FAM184B: variants seen among roughly 807,000 people sequenced by gnomAD.
FAM184B encodes the protein protein FAM184B.
In FAM184B, 111 loss-of-function variants were observed where a neutral mutation model predicts 135.9. The ratio of observed to expected loss-of-function variants is 0.82; its 90% CI spans 0.70 to 0.96. FAM184B has a LOEUF of 0.96. Ranked by LOEUF, FAM184B falls within the 40% of genes least tolerant of loss-of-function variation. The pLI, the probability that FAM184B is intolerant of heterozygous loss-of-function variation, is 0.00. For synonymous variants in FAM184B, 552 were observed against 524.8 expected, an observed-to-expected ratio of 1.05 and a Z score of -0.71; for missense variants, 1,375 against 1,323.9, an observed-to-expected ratio of 1.04 and a Z score of -0.60.
At chr4:17,715,286 C>T (rs1189988898) in intron 1 of FAM184B, among the ~76,000 whole-genome samples, 1 of 151,848 alleles carries the variant, frequency 6.6e-6, no homozygotes, top group Non-Finnish European at 1.5e-5. Context: ...ACCAGCCTGG[C>T]CAACATGGTG....
chr4:17,691,918 T>G (rs1716745058), intron 6 of FAM184B, among the ~76,000 whole-genome samples: 1 of 151,644 alleles, frequency 6.6e-6, no homozygotes, highest in African/African-American at 2.4e-5. Context: ...CCAGGCGTGG[T>G]GGCAGGCACC....
intron 7 of FAM184B, among the ~76,000 whole-genome samples, chr4:17,680,089 T>A (rs1327335225): frequency 2.0e-5 from 3 of 152,138 alleles, no homozygotes; most frequent in Non-Finnish European, 2.9e-5. Context: ...ACTGCACAGG[T>A]GATGGGTGCA....
At chr4:17,760,969 T>G (rs1458271094) in intron 1 of FAM184B, among the ~76,000 whole-genome samples, 1 of 152,204 alleles carries the variant, frequency 6.6e-6, no homozygotes, top group African/African-American at 2.4e-5. Context: ...TCCCAACAGT[T>G]GATTTGCACA....
Position 17,777,367 on chromosome 4 carries a change from G to A in FAM184B, c.141+3792C>T, listed in dbSNP as rs74361919. 3.3e-5 allele frequency among the ~76,000 whole-genome samples: 5 copies of A among 152,266 alleles called. No homozygotes were observed. In the East Asian group the frequency reaches 7.7e-4, roughly 24 times the overall value. On this transcript the variant is annotated intron_variant, in intron 1 of 17. Transcript: ENST00000265018. Reference sequence around the variant, plus strand: ...GGCCACAAGGGAAGATTTCTTTGGGGTGATGAAAATGTCCCTAAAACTGGA... The same window carrying A: ...GGCCACAAGGGAAGATTTCTTTGGGATGATGAAAATGTCCCTAAAACTGGA...
intron 1 of FAM184B, among the ~76,000 whole-genome samples, chr4:17,729,478 C>G (rs1425158097): frequency 6.6e-6 from 1 of 152,230 alleles, no homozygotes; most frequent in African/African-American, 2.4e-5. Context: ...CCCCGAGCAG[C>G]CTAACTGGGA....
At chr4:17,706,690 TG>T (rs1484743482) in intron 3 of FAM184B, among the ~76,000 whole-genome samples, 1 of 152,218 alleles carries the variant, frequency 6.6e-6, no homozygotes, top group Non-Finnish European at 1.5e-5. Flanking sequence ...CTTTTTGGGC[TG>T]GGCGTGGTGG....
In FAM184B at chr4:17,715,527, G is replaced by C. The variant is rs553592749; in HGVS notation, c.142-5883C>G. Among the ~76,000 whole-genome samples the C allele has an allele frequency of 2.6e-5, 4 of 151,916 alleles. No homozygotes were observed. The South Asian group carries it at 8.3e-4, about 32-fold the overall frequency. The stretch of plus-strand genomic sequence containing the variant: ...AAAAATGAAATTAATGGGGTCAAAA[G>C]ACACAAAATTTCAATTAAAGGAATA... On this transcript the variant is annotated intron_variant, in intron 1 of 17. Transcript: ENST00000265018.
intron 1 of FAM184B, among the ~76,000 whole-genome samples, chr4:17,748,612 G>A (rs561422005): frequency 6.7e-6 from 1 of 150,072 alleles, no homozygotes; most frequent in South Asian, 2.1e-4. Flanking sequence ...GACCTCTGGG[G>A]CTCAAGTGAT....
intron 1 of FAM184B, among the ~76,000 whole-genome samples, chr4:17,733,813 A>G (rs1376768060): frequency 6.6e-6 from 1 of 152,234 alleles, no homozygotes; most frequent in African/African-American, 2.4e-5. Flanking sequence ...TTCTTCACAG[A>G]ATTGGAGAAA....
Position 17,647,719 on chromosome 4 carries a change from T to C in FAM184B, c.2264A>G (p.Gln755Arg), listed in dbSNP as rs770249260. The C allele has an allele frequency of 8.4e-6, 13 of 1,550,978 alleles. No homozygotes were observed. Among genetic ancestry groups the C allele is most frequent in the Non-Finnish European group, 1.1e-5 (13 of 1,147,002 alleles). ...TCTGCCCAGAGCCCTCAGCTCGGCC[T>C]GCAGTGCCTCCAAGTCCTTCTGGTG... ...SGHQKDLEAL[Q>R]AELRALGRQQ... Residue 755 changes from glutamine (Q) to arginine (R), a missense_variant, in exon 12 of 18, where the codon CAG becomes CGG. By Grantham distance (43) the Gln-to-Arg change is conservative. Transcript: ENST00000265018.
intron 1 of FAM184B, among the ~76,000 whole-genome samples, chr4:17,745,823 C>A (rs1340093916): frequency 6.6e-6 from 1 of 152,164 alleles, no homozygotes; most frequent in East Asian, 1.9e-4. Context: ...GCTCAAAGGT[C>A]CTACCTGCTT....
intron 1 of FAM184B, among the ~76,000 whole-genome samples, chr4:17,766,746 C>G (rs569981080): frequency 2.6e-5 from 4 of 152,262 alleles, no homozygotes; most frequent in African/African-American, 9.6e-5. Context: ...GCTGGTTTCA[C>G]CTAGAGGATC....
At chr4:17,739,555 G>GTTTTTGTTTTTTTTTTTTTTTT (rs1553841421) in intron 1 of FAM184B, among the ~76,000 whole-genome samples, 4 of 62,510 alleles carry the variant, frequency 6.4e-5, no homozygotes, top group African/African-American at 1.8e-4. Flanking sequence ...CATACCAACT[G>GTTTTTGTTTTTTTTTTTTTTTT]TTTTTTTTTT....
At chr4:17,754,241 A>G (rs1304468534) in intron 1 of FAM184B, among the ~76,000 whole-genome samples, 1 of 152,070 alleles carries the variant, frequency 6.6e-6, no homozygotes, top group Admixed American at 6.6e-5. Flanking sequence ...GCACACATTT[A>G]GGAAAAAACT....
intron 13 of FAM184B, among the ~76,000 whole-genome samples, 185 bp downstream of exon 13, chr4:17,641,871 T>G (rs1035999403): frequency 6.6e-6 from 1 of 151,996 alleles, no homozygotes; most frequent in Non-Finnish European, 1.5e-5. Flanking sequence ...CTGGGACTTT[T>G]CATGGGTCAG....
intron 1 of FAM184B, among the ~76,000 whole-genome samples, chr4:17,766,819 C>T (rs1009565960): frequency 6.6e-6 from 1 of 152,234 alleles, no homozygotes; most frequent in South Asian, 2.1e-4. Context: ...CACTCCTCAG[C>T]CCCTGGGCGG....
chr4:17,739,553 C>CTCTTTTTTTTTTT (rs1560190028), intron 1 of FAM184B, among the ~76,000 whole-genome samples: 1 of 8,682 alleles, frequency 1.2e-4, no homozygotes, highest in Non-Finnish European at 3.3e-4. Context: ...GTCATACCAA[C>CTCTTTTTTTTTTT]TGTTTTTTTT....
At chr4:17,701,142 T>C (rs6855046) in intron 5 of FAM184B, among the ~76,000 whole-genome samples, 144,817 of 152,228 alleles carry the variant, frequency 0.95, 69,330 homozygotes, top group East Asian at 1. Context: ...CCCTACCAGA[T>C]TGTTTGTTCC....
chr4:17,731,404 T>C (rs1407475199), intron 1 of FAM184B, among the ~76,000 whole-genome samples: 1 of 152,078 alleles, frequency 6.6e-6, no homozygotes, highest in Non-Finnish European at 1.5e-5. Flanking sequence ...AGAGTCAAGA[T>C]ACATCAGTGT....
Sources: allele counts gnomAD v4.1 joint callset (sites outside exome capture counted in the v4.1 genomes callset), GRCh38; gene constraint gnomAD v4.1.1; transcripts MANE v1.5; gene names NCBI Gene and HGNC (gene_info 2026-07-23, HGNC 2026-07-21).